The following BBS9 variants were observed in gnomAD, a reference collection of about 807,000 sequenced individuals.
The protein encoded by BBS9 is Bardet-Biedl syndrome 9, also known as protein PTHB1.
A neutral mutation model predicts 117.7 loss-of-function variants in BBS9; 89 were observed. The ratio of observed to expected loss-of-function variants is 0.76; its 90% CI spans 0.64 to 0.90. The LOEUF is 0.90. Among genes scored for constraint, BBS9 ranks in the 40% least tolerant of loss-of-function variants. The pLI is 0.00. For synonymous variants in BBS9, 379 were observed against 370.9 expected, an observed-to-expected ratio of 1.02 and a Z score of -0.25; for missense variants, 982 against 1,042.2, an observed-to-expected ratio of 0.94 and a Z score of 0.80.
intron 21 of BBS9, among the ~76,000 whole-genome samples, chr7:33,538,682 A>C (rs1851826014): frequency 1.3e-5 from 2 of 152,040 alleles, no homozygotes; most frequent in African/African-American, 4.8e-5. Flanking sequence ...GTTTGAAGTC[A>C]TTCTTTAAGG....
chr7:33,567,201 A>G (rs1857047575), intron 21 of BBS9, among the ~76,000 whole-genome samples: 1 of 152,132 alleles, frequency 6.6e-6, no homozygotes, highest in African/African-American at 2.4e-5. Context: ...ATTCTATCTG[A>G]TGATACAGTG....
rs889993383 is a variant in BBS9 at position 33,203,975 on chromosome 7, G to A, written c.442+26384G>A. ...TGACCTCAGGTAATCCGCCCGCCTCGGCCTCCCAAAGTGCTGGGATTACAG... is the reference window on the plus strand; with the variant it reads ...TGACCTCAGGTAATCCGCCCGCCTCAGCCTCCCAAAGTGCTGGGATTACAG... On this transcript the variant is annotated intron_variant, in intron 5 of 22. Transcript: ENST00000242067. Among the ~76,000 whole-genome samples, 13 of 150,504 alleles carry A rather than the reference G, an allele frequency of 8.6e-5. 1 individual carries two copies. The highest frequency in any genetic ancestry group is 4.0e-4 in the Admixed American group (6 of 15,144).
In BBS9 at chr7:33,534,165, T is replaced by C; in HGVS notation, c.2510T>C (p.Met837Thr). ...ACCGATGCAGCAGCCCCACAGACCA[T>C]GGTCATGCCAGGTAAGAGCTCTGTC... ...LSTDAAAPQT[M>T]VMPGGCTTIP... Residue 837 changes from methionine to threonine, a missense_variant, in exon 21 of 23, where the codon ATG (methionine) becomes ACG (threonine). Coordinates refer to ENST00000242067, the MANE Select transcript of BBS9 (RefSeq NM_198428.3). 1 of 1,614,138 alleles carries C rather than the reference T, an allele frequency of 6.2e-7. No homozygotes were observed. The highest frequency in any genetic ancestry group is 8.5e-7 in the Non-Finnish European group (1 of 1,179,992).
At chr7:33,449,208 T>C (rs1015581243) in intron 19 of BBS9, among the ~76,000 whole-genome samples, 3 of 152,182 alleles carry the variant, frequency 2.0e-5, no homozygotes, top group African/African-American at 7.2e-5. Context: ...TTAGCTGGGG[T>C]GTCAGCCCTG....
chr7:33,541,874 GTGATA>G (rs1852362466), intron 21 of BBS9, among the ~76,000 whole-genome samples: 10 of 152,140 alleles, frequency 6.6e-5, no homozygotes, highest in Admixed American at 6.5e-4. Flanking sequence ...TTAGATTGTG[GTGATA>G]TGACTATACT....
At chr7:33,147,436 A>G (rs1322712391) in intron 2 of BBS9, among the ~76,000 whole-genome samples, 1 of 152,206 alleles carries the variant, frequency 6.6e-6, no homozygotes, top group African/African-American at 2.4e-5. Context: ...TTGGTAAAGC[A>G]GAAGAGTGGG....
At chr7:33,132,527 A>T (rs1789782771) in intron 1 of BBS9, among the ~76,000 whole-genome samples, 2 of 152,234 alleles carry the variant, frequency 1.3e-5, no homozygotes, top group South Asian at 2.1e-4. Flanking sequence ...TGAAAAGGGG[A>T]TAAAATGCAA....
intron 21 of BBS9, among the ~76,000 whole-genome samples, chr7:33,600,455 A>G (rs376678990): frequency 6.6e-6 from 1 of 152,016 alleles, no homozygotes; most frequent in African/African-American, 2.4e-5. Context: ...TTACAGTGGT[A>G]TAGAAACTTG....
In BBS9 at chr7:33,367,840, T is replaced by C. The variant is rs534722075; in HGVS notation, c.1767T>C (p.Thr589=). The C allele has an allele frequency of 2.1e-4, 340 of 1,613,888 alleles. 3 individuals carry two copies. The South Asian group carries it at 3.5e-3, about 16-fold the overall frequency. Residue 589 remains threonine, a synonymous_variant, in exon 17 of 23, where the codon ACT becomes ACC. Coordinates refer to ENST00000242067, the MANE Select transcript of BBS9 (RefSeq NM_198428.3). ...ACTTCTTAGGAGGTGCTCGAATTAC[T>C]GTTCTTGCTTCCAAAACTTCTCGTA... ...GFHFLGGARI[T]VLASKTSQRY...
At chr7:33,131,590 T>C (rs1274675286) in intron 1 of BBS9, among the ~76,000 whole-genome samples, 3 of 152,154 alleles carry the variant, frequency 2.0e-5, no homozygotes. Context: ...AAAGCAAAGC[T>C]CTGAAAATGA....
chr7:33,605,007 G>A (rs1157449217), intron 22 of BBS9, 32 bp downstream of exon 22: 1 of 1,555,398 alleles, frequency 6.4e-7, no homozygotes. Flanking sequence ...ACAAGCGTTA[G>A]TTAAGTCAGA....
At chr7:33,367,734 T>C (rs1028344792) in intron 16 of BBS9, 33 bp from the exon 17 acceptor site, 1 of 1,593,832 alleles carries the variant, frequency 6.3e-7, no homozygotes, top group Non-Finnish European at 8.6e-7. Context: ...TGCCTTCTGG[T>C]TACATAAGGT....
At chr7:33,142,029 G>A (rs1221569746) in intron 1 of BBS9, among the ~76,000 whole-genome samples, 2 of 151,634 alleles carry the variant, frequency 1.3e-5, no homozygotes, top group South Asian at 2.1e-4. Context: ...TCTGCCTCCC[G>A]GGTTCATGCC....
intron 9 of BBS9, among the ~76,000 whole-genome samples, chr7:33,329,149 T>C (rs1813459661): frequency 6.6e-6 from 1 of 152,142 alleles, no homozygotes; most frequent in Non-Finnish European, 1.5e-5. Flanking sequence ...GCCTCCTGCC[T>C]ATCTGGGATT....
At chr7:33,363,425 A>G (rs1196008789) in intron 16 of BBS9, among the ~76,000 whole-genome samples, 4 of 152,156 alleles carry the variant, frequency 2.6e-5, no homozygotes, top group African/African-American at 7.2e-5. Flanking sequence ...TCTTATATCA[A>G]TCTTGTATCA....
intron 21 of BBS9, among the ~76,000 whole-genome samples, chr7:33,600,002 G>T (rs1257259109): frequency 6.6e-6 from 1 of 152,116 alleles, no homozygotes; most frequent in Non-Finnish European, 1.5e-5. Flanking sequence ...ATGAACATAA[G>T]TTGGGAAAGC....
intron 19 of BBS9, among the ~76,000 whole-genome samples, chr7:33,447,454 CT>C (rs1489160002): frequency 6.6e-6 from 1 of 152,192 alleles, no homozygotes; most frequent in Non-Finnish European, 1.5e-5. Context: ...GGAGTCATGG[CT>C]TCAGTGGACT....
intron 19 of BBS9, among the ~76,000 whole-genome samples, chr7:33,459,686 C>G (rs1174971309): frequency 6.6e-6 from 1 of 152,114 alleles, no homozygotes; most frequent in African/African-American, 2.4e-5. Context: ...TTATATATCT[C>G]TTGCCCCCTG....
intron 4 of BBS9, among the ~76,000 whole-genome samples, chr7:33,157,360 T>C (rs1464689540): frequency 1.3e-5 from 2 of 152,202 alleles, no homozygotes; most frequent in Non-Finnish European, 2.9e-5. Flanking sequence ...ATGGGAATGG[T>C]GATTTTATAG....
Sources: gnomAD v4.1 joint callset for allele counts (sites outside exome capture counted in the v4.1 genomes callset) on GRCh38, gnomAD v4.1.1 for gene constraint, MANE v1.5 for transcripts, NCBI Gene and HGNC (gene_info 2026-07-23, HGNC 2026-07-21) for gene names.